Variants in CLK2 observed in about 807,000 individuals in gnomAD.
CLK2 encodes dual specificity protein kinase CLK2.
Under a neutral mutation model 73.5 loss-of-function variants are expected in CLK2, and 12 were observed. That is an observed-to-expected ratio of 0.16 (90% CI 0.10 to 0.26). CLK2 has a LOEUF of 0.26. Among genes scored for constraint, CLK2 ranks in the 10% least tolerant of loss-of-function variants. CLK2 has a pLI of 1.00. For synonymous variants in CLK2, 232 were observed against 237.9 expected, an observed-to-expected ratio of 0.98 and a Z score of 0.23; for missense variants, 509 against 688.4, an observed-to-expected ratio of 0.74 and a Z score of 2.92.
At chr1:155,267,049 A>G (rs931706999) in intron 6 of CLK2, among the ~76,000 whole-genome samples, 154 bp from the exon 7 acceptor site, 3 of 152,158 alleles carry the variant, frequency 2.0e-5, no homozygotes, top group Admixed American at 2.0e-4. Context: ...TCAGCTAAGG[A>G]GTAGCCTCTA....
intron 3 of CLK2, chr1:155,269,279 G>A: frequency 5.0e-6 from 3 of 605,872 alleles, no homozygotes; most frequent in Non-Finnish European, 8.8e-6. Context: ...GAGCACTGGG[G>A]GTCACAAATG....
rs1673322471 is a variant in CLK2, at chr1:155,268,180, A to C, written c.555-54T>G. The C allele has an allele frequency of 1.9e-6, 3 of 1,575,126 alleles. No individual in the cohort carries two copies. On this transcript the variant is annotated intron_variant, in intron 5 of 12. Coordinates refer to ENST00000368361, the MANE Select transcript of CLK2 (RefSeq NM_001294338.2). This position sits in a 1 kb window ranked among gnomAD's most constrained non-coding sequence, Gnocchi z 5.6. ...GGGTTCTCAAGAATGTCTCAAAATG[A>C]ACAGGGCTGTAGGGGGACTAAGAAA...
Position 155,267,850 on chromosome 1 carries a change from C to G in CLK2, c.671+160G>C, listed in dbSNP as rs149300184. Among the ~76,000 whole-genome samples, 161 of 152,280 alleles carry G rather than the reference C, an allele frequency of 1.1e-3. 1 individual carries two copies. Among genetic ancestry groups the G allele is most frequent in the Admixed American group, 3.0e-3 (46 of 15,294 alleles). On this transcript the variant is annotated intron_variant, in intron 6 of 12. Transcript: ENST00000368361. ...ATTAAGGAATGTCATGGGCCCCCCC[C>G]CTTTCCTACCCTGATGTTCTACTAC...
At chr1:155,263,655 G>A (rs1557930210) in intron 12 of CLK2, 2 of 984,576 alleles carry the variant, frequency 2.0e-6, no homozygotes, top group South Asian at 4.7e-5. Context: ...ATCTTCTTTA[G>A]TTCCTCATTA....
chr1:155,266,047 A>G (rs1445077913), intron 7 of CLK2, 93 bp from the exon 8 acceptor site: 1 of 819,202 alleles, frequency 1.2e-6, no homozygotes, highest in Non-Finnish European at 2.2e-6. Flanking sequence ...GGGCAAAGCC[A>G]GTGAGGAGAC....
In CLK2 at chr1:155,268,345, T is replaced by C; in HGVS notation, c.502A>G (p.Thr168Ala). The C allele has an allele frequency of 6.2e-7, 1 of 1,613,828 alleles. No individual in the cohort carries two copies. Among genetic ancestry groups the C allele is most frequent in the Non-Finnish European group, 8.5e-7 (1 of 1,179,924 alleles). ...CGGCCGAAGGTCCCCTCTCCTAAGG[T>C]GCTAACGATTTCATCTGAAATGAAA... The part of the protein sequence containing the change: ...WLQERYEIVS[T>A]LGEGTFGRVV... Residue 168 changes from threonine to alanine, a missense_variant, in exon 5 of 13, where the codon ACC becomes GCC. Physicochemically the swap from Thr to Ala is moderately conservative, Grantham distance 58. Coordinates refer to ENST00000368361, the MANE Select transcript of CLK2 (RefSeq NM_001294338.2). The surrounding 1 kb of genome is among the most constrained non-coding windows in gnomAD (Gnocchi z 5.6).
At chr1:155,265,667 C>T (rs1020212730) in intron 8 of CLK2, among the ~76,000 whole-genome samples, 193 bp downstream of exon 8, 3 of 152,170 alleles carry the variant, frequency 2.0e-5, no homozygotes, top group Non-Finnish European at 2.9e-5. Flanking sequence ...GTCCCCTGTA[C>T]AAGTTATCTC....
At chr1:155,271,661 A>C (rs1456145663) in intron 1 of CLK2, among the ~76,000 whole-genome samples, 1 of 152,222 alleles carries the variant, frequency 6.6e-6, no homozygotes, top group Non-Finnish European at 1.5e-5. Flanking sequence ...AGGATCTAAG[A>C]TATAGATCTG....
In CLK2 at chr1:155,263,270, C is replaced by T. The variant is rs753428819; in HGVS notation, c.1448G>A (p.Arg483Gln). The change falls in exon 13 of 13, where the codon CGG becomes CAG. Residue 483 changes from arginine (R) to glutamine (Q), a missense_variant. This residue lies in a region of CLK2 where 134 missense variants were observed against 146.0 expected (regional missense o/e 0.92). Transcript: ENST00000368361. ...CCACAACTTGTTGGGCGGCTCAGCC[C>T]GAAGGCGGGCGAAGAAAGGATGCTG... Reference protein sequence around the residue: ...ALQHPFFARLRAEPPNKLWDS... With the variant: ...ALQHPFFARLQAEPPNKLWDS... 8.7e-6 allele frequency: 14 copies of T among 1,614,094 alleles called. No homozygotes were observed. The Admixed American group carries it at 1.0e-4, about 12-fold the overall frequency.
In CLK2 at chr1:155,271,102, C is replaced by T. The variant is rs1673482343; in HGVS notation, c.1-125G>A. 4.3e-6 allele frequency: 4 copies of T among 938,076 alleles called. No homozygotes were observed. The South Asian group carries it at 6.1e-5, about 14-fold the overall frequency. 58.1% of individuals were successfully genotyped at this position (938,076 alleles called of 1,614,324 possible). On this transcript the variant is annotated intron_variant, in intron 1 of 12. Coordinates refer to ENST00000368361, the MANE Select transcript of CLK2 (RefSeq NM_001294338.2). ...TATTTCTGCCTCTTTTTACCAGGCA[C>T]AACTTCCTCAGTCTTCCTCTGTACT... is the stretch of plus-strand genomic sequence containing the variant.
At chr1:155,270,201 T>C (rs1001390686) in intron 2 of CLK2, among the ~76,000 whole-genome samples, 4 of 70,350 alleles carry the variant, frequency 5.7e-5, no homozygotes, top group Admixed American at 2.7e-4. Context: ...CTACTAAAAA[T>C]ACAAAAAAAA....
intron 12 of CLK2, 53 bp from the exon 13 acceptor site, chr1:155,263,453 C>A: frequency 6.2e-7 from 1 of 1,602,754 alleles, no homozygotes; most frequent in Non-Finnish European, 8.5e-7. Context: ...CAAACCCTGC[C>A]TTCTTCAAGA....
rs774051104 is a variant in CLK2 at position 155,268,759 on chromosome 1, C to T, written c.436G>A (p.Asp146Asn). ...SSRRAKSVED[D>N]AEGHLIYHVG... The stretch of plus-strand genomic sequence containing the variant: ...TGGTAGATGAGGTGGCCCTCAGCGT[C>T]GTCCTCTACACTCTTGGCTCTCCGG... Residue 146 changes from aspartate (D) to asparagine (N), a missense_variant, in exon 4 of 13, where the codon GAC (aspartate) becomes AAC (asparagine). Physicochemically the swap from Asp to Asn is conservative, Grantham distance 23. Around this residue, in one of 6 missense-constraint regions of CLK2, gnomAD observed 76 missense variants for 126.4 expected, o/e 0.60. Coordinates refer to ENST00000368361, the MANE Select transcript of CLK2 (RefSeq NM_001294338.2). The surrounding 1 kb of genome is among the most constrained non-coding windows in gnomAD (Gnocchi z 5.6). 1.2e-6 allele frequency: 2 copies of T among 1,612,834 alleles called. No homozygotes were observed. The highest frequency in any genetic ancestry group is 1.7e-6 in the Non-Finnish European group (2 of 1,179,542).
In CLK2 at chr1:155,264,215, G is replaced by A. The variant is rs1673123791; in HGVS notation, c.1226+6C>T. On this transcript the variant is annotated splice_donor_region_variant and intron_variant, in intron 11 of 12. Transcript: ENST00000368361. ...AAGAGTTAACTAGTGCCCCCTCAAGGTTCACCTTGTCTTTCGGATCATCCG... is the reference window on the plus strand; with the variant it reads ...AAGAGTTAACTAGTGCCCCCTCAAGATTCACCTTGTCTTTCGGATCATCCG... The A allele has an allele frequency of 6.2e-7, 1 of 1,613,926 alleles. No individual in the cohort carries two copies. The highest frequency in any genetic ancestry group is 1.3e-5 in the African/African-American group (1 of 74,896).
intron 7 of CLK2, 34 bp downstream of exon 7, chr1:155,266,695 T>C (rs1273476436): frequency 1.9e-6 from 3 of 1,596,078 alleles, no homozygotes; most frequent in Non-Finnish European, 2.6e-6. Flanking sequence ...AGGGAGGGAC[T>C]GCCCCAGAGT....
At chr1:155,263,915 G>A in intron 12 of CLK2, 35 bp downstream of exon 12, 1 of 1,592,308 alleles carries the variant, frequency 6.3e-7, no homozygotes, top group Non-Finnish European at 8.6e-7. Flanking sequence ...GTGACTTCTG[G>A]ACGGTGGGCA....
chr1:155,273,022 T>C (rs1467538136), intron 1 of CLK2, among the ~76,000 whole-genome samples, 179 bp downstream of exon 1: 1 of 152,172 alleles, frequency 6.6e-6, no homozygotes, highest in East Asian at 1.9e-4. Flanking sequence ...ACAGGTCTTC[T>C]TGGTACATCT....
chr1:155,266,467 AG>A (rs958208490), intron 7 of CLK2, among the ~76,000 whole-genome samples: 1 of 152,206 alleles, frequency 6.6e-6, no homozygotes, highest in African/African-American at 2.4e-5. Flanking sequence ...AGAAAGGAAA[AG>A]GGGAGGGTAA....
chr1:155,270,948 T>C lies in CLK2; in HGVS notation c.30A>G (p.Ser10=). 3 of 1,613,884 alleles carry C rather than the reference T, an allele frequency of 1.9e-6. No homozygotes were observed. The highest frequency in any genetic ancestry group is 2.5e-6 in the Non-Finnish European group (3 of 1,179,762). The part of the protein sequence containing the change: MPHPRRYHS[S]ERGSRGSYRE... Reference sequence around the variant, plus strand: ...GGTAACTCCCCCGGCTGCCTCGCTCTGAGGAGTGGTACCTTCGAGGATGCG... The same window carrying C: ...GGTAACTCCCCCGGCTGCCTCGCTCCGAGGAGTGGTACCTTCGAGGATGCG... Residue 10 remains serine, a synonymous_variant, in exon 2 of 13, where the codon TCA becomes TCG. Transcript: ENST00000368361.
Sources: gnomAD v4.1 joint callset for allele counts (sites outside exome capture counted in the v4.1 genomes callset) on GRCh38, gnomAD v4.1.1 for gene constraint, gnomAD v4.1.1 regional missense constraint, Gnocchi (gnomAD v3.1) non-coding constraint, MANE v1.5 for transcripts, NCBI Gene and HGNC (gene_info 2026-07-23, HGNC 2026-07-21) for gene names.